Variants in UBR4 observed in about 807,000 individuals in gnomAD.
The protein encoded by UBR4 is ubiquitin protein ligase E3 component n-recognin 4.
In UBR4, 124 loss-of-function variants were observed where a neutral mutation model predicts 575.6. The observed-to-expected ratio is 0.22, with a 90% CI of 0.19 to 0.25. The LOEUF is 0.25. UBR4 is among the 10% of genes least tolerant of loss of function. UBR4 has a pLI of 1.00. For synonymous variants in UBR4, 2,455 were observed against 2,473.7 expected, an observed-to-expected ratio of 0.99 and a Z score of 0.22; for missense variants, 4,818 against 6,478.8, an observed-to-expected ratio of 0.74 and a Z score of 8.80.
At position 19,093,504 on chromosome 1, in the gene UBR4, A is replaced by T; in HGVS notation, c.13938-18T>A. 1 of 1,612,194 alleles carries T rather than the reference A, an allele frequency of 6.2e-7. No homozygotes were observed. The highest frequency in any genetic ancestry group is 8.5e-7 in the Non-Finnish European group (1 of 1,178,624). ...CATCATATCTAGGAGGAAAGAGCAG[A>T]GTTTGAGGGTGTGAAAGGCGGGACA... is the stretch of plus-strand genomic sequence containing the variant. On this transcript the variant is annotated intron_variant, in intron 95 of 105. Transcript: ENST00000375254. This position sits in a 1 kb window ranked among gnomAD's most constrained non-coding sequence, Gnocchi z 4.8.
At position 19,084,613 on chromosome 1, in the gene UBR4, G is replaced by A. The variant is rs2076831372; in HGVS notation, c.14899C>T (p.Arg4967Cys). The change falls in exon 102 of 106, where the codon CGC becomes TGC. Residue 4967 changes from arginine (R) to cysteine (C), a missense_variant. Arg to Cys is a radical substitution (Grantham distance 180, BLOSUM62 -3). Coordinates refer to ENST00000375254, the MANE Select transcript of UBR4 (RefSeq NM_020765.3). ...CTGAACGACTGCTCCATGGCGAAGC[G>A]CAGGAAGAGCAGTTTGATGTCATGG... is the stretch of plus-strand genomic sequence containing the variant. Reference protein sequence around the residue: ...NIHDIKLLFLRFAMEQSFSAD... With the variant: ...NIHDIKLLFLCFAMEQSFSAD... The A allele has an allele frequency of 2.5e-6, 4 of 1,614,024 alleles. No homozygotes were observed. Among genetic ancestry groups the A allele is most frequent in the Non-Finnish European group, 2.5e-6 (3 of 1,179,960 alleles).
intron 94 of UBR4, 116 bp downstream of exon 94, chr1:19,094,790 T>TAA (rs1330074402): frequency 2.6e-5 from 37 of 1,410,726 alleles, no homozygotes; most frequent in Admixed American, 1.1e-4. Context: ...TTCCAATGCT[T>TAA]AAGCAGGCTC....
In UBR4 at chr1:19,093,990, C is replaced by G; in HGVS notation, c.13896G>C (p.Gln4632His). Residue 4632 changes from glutamine to histidine, a missense_variant, in exon 95 of 106, where the codon CAG becomes CAC. This residue lies in a region of UBR4 where 165 missense variants were observed against 282.3 expected (regional missense o/e 0.58). Transcript: ENST00000375254. The surrounding 1 kb of genome is among the most constrained non-coding windows in gnomAD (Gnocchi z 4.8). ...ATGGTTTGAATCGCTCCACCAAGAT[C>G]TGCATTTTCTCCACCTCTCCAAAGG... The part of the protein sequence containing the change: ...YLSFGEVEKM[Q>H]ILVERFKPYC... 1 of 1,614,158 alleles carries G rather than the reference C, an allele frequency of 6.2e-7. No homozygotes were observed. The highest frequency in any genetic ancestry group is 8.5e-7 in the Non-Finnish European group (1 of 1,180,016).
Position 19,088,875 on chromosome 1 carries a change from G to A in UBR4, c.14314C>T (p.Arg4772Trp), listed in dbSNP as rs199685264. 1.5e-4 allele frequency: 248 copies of A among 1,614,156 alleles called. No individual in the cohort carries two copies. Among genetic ancestry groups the A allele is most frequent in the Non-Finnish European group, 5.7e-5 (67 of 1,180,038 alleles). Residue 4772 changes from arginine to tryptophan, a missense_variant, in exon 98 of 106, where the codon CGG becomes TGG. Around this residue, in one of 29 missense-constraint regions of UBR4, gnomAD observed 196 missense variants for 386.8 expected, o/e 0.51. Transcript: ENST00000375254. The surrounding 1 kb of genome is among the most constrained non-coding windows in gnomAD (Gnocchi z 4.0). ...TTCTTGTTTACGTCAGGGTGTTCCCGCAGGGCTTCCAGCAGGTTCTCTGCC... is the reference window on the plus strand; with the variant it reads ...TTCTTGTTTACGTCAGGGTGTTCCCACAGGGCTTCCAGCAGGTTCTCTGCC... ...TLAENLLEAL[R>W]EHPDVNKKID...
intron 7 of UBR4, among the ~76,000 whole-genome samples, 176 bp from the exon 8 acceptor site, chr1:19,197,441 C>A (rs1386119028): frequency 6.6e-6 from 1 of 152,116 alleles, no homozygotes; most frequent in Non-Finnish European, 1.5e-5. Context: ...CCAGCCTGGG[C>A]AACAAGGCAA....
rs759426407 is a variant in UBR4 at position 19,177,562 on chromosome 1, C to T, written c.2536G>A (p.Ala846Thr). ...ATAAGCGGCACGAAGCGCATCTGAG[C>T]ATCCATGTTGACGCTCAACTCCTGG... ...IIQELSVNMDAQMRFVPLILA... is the reference protein window; with the variant it reads ...IIQELSVNMDTQMRFVPLILA... The change falls in exon 19 of 106, where the codon GCT becomes ACT. Residue 846 changes from alanine to threonine, a missense_variant. By Grantham distance (58) the Ala-to-Thr change is moderately conservative (BLOSUM62 0). Around this residue, in one of 29 missense-constraint regions of UBR4, gnomAD observed 1,172 missense variants for 1,259.7 expected, o/e 0.93. Transcript: ENST00000375254. 2.5e-6 allele frequency: 4 copies of T among 1,613,788 alleles called. No individual in the cohort carries two copies. Among genetic ancestry groups the T allele is most frequent in the Non-Finnish European group, 3.4e-6 (4 of 1,179,938 alleles).
At chr1:19,132,196 T>G (rs1331267923) in intron 60 of UBR4, among the ~76,000 whole-genome samples, 1 of 152,152 alleles carries the variant, frequency 6.6e-6, no homozygotes, top group Non-Finnish European at 1.5e-5. Flanking sequence ...TTGTTTGTTT[T>G]TTTGAGACAG....
intron 41 of UBR4, 93 bp from the exon 42 acceptor site, chr1:19,156,516 A>G: frequency 6.8e-7 from 1 of 1,467,776 alleles, no homozygotes; most frequent in Non-Finnish European, 9.2e-7. Context: ...TTTTCCTCTA[A>G]TATCCCCTGC....
intron 97 of UBR4, among the ~76,000 whole-genome samples, chr1:19,092,470 A>T (rs78936664): frequency 0.011 from 1,631 of 151,544 alleles, 26 homozygotes; most frequent in East Asian, 0.066. Context: ...CCTAAGAACA[A>T]GGGGTTCAGC....
chr1:19,140,988 C>T, intron 57 of UBR4, 96 bp from the exon 58 acceptor site: 1 of 1,279,158 alleles, frequency 7.8e-7, no homozygotes, highest in Non-Finnish European at 1.1e-6. Context: ...CTCCAAACAC[C>T]AGCATGTGAC....
chr1:19,201,923 A>G, intron 1 of UBR4, 108 bp from the exon 2 acceptor site: 1 of 910,954 alleles, frequency 1.1e-6, no homozygotes, highest in Non-Finnish European at 1.7e-6. Context: ...GGTAGATAGT[A>G]TCATCAACCT....
At chr1:19,164,565 G>T in intron 32 of UBR4, 124 bp from the exon 33 acceptor site, 1 of 1,207,956 alleles carries the variant, frequency 8.3e-7, no homozygotes, top group Non-Finnish European at 1.2e-6. Flanking sequence ...CTTTGGACTT[G>T]GGCTAGTAGA....
intron 103 of UBR4, chr1:19,079,505 T>C (rs1429270632): frequency 6.6e-6 from 1 of 152,248 alleles, no homozygotes; most frequent in Non-Finnish European, 1.5e-5. Context: ...GGCTTTGTAC[T>C]TGCAAGTTCC....
chr1:19,081,682 C>T (rs955661243), intron 102 of UBR4, 109 bp from the exon 103 acceptor site: 2 of 1,230,608 alleles, frequency 1.6e-6, no homozygotes, highest in Non-Finnish European at 2.4e-6. Flanking sequence ...ATTTGCTGAA[C>T]GCTTGGATGA....
chr1:19,149,932 T>A, intron 49 of UBR4: 1 of 450,002 alleles, frequency 2.2e-6, no homozygotes. Context: ...GGGAGGAGGC[T>A]GGTGGTGGGA....
chr1:19,137,777 C>A (rs2083361872), intron 60 of UBR4, among the ~76,000 whole-genome samples: 1 of 152,118 alleles, frequency 6.6e-6, no homozygotes, highest in Non-Finnish European at 1.5e-5. Context: ...TTAGAGGAGC[C>A]TTAAGAGAAA....
chr1:19,142,759 T>C lies in UBR4; in HGVS notation c.8180-982A>G, dbSNP rs1261474352. Among the ~76,000 whole-genome samples the C allele has an allele frequency of 2.6e-5, 4 of 152,250 alleles. 1 individual carries two copies. The East Asian group carries it at 7.7e-4, about 29-fold the overall frequency. Reference sequence around the variant, plus strand: ...TATTGACAAGATGTAGATATAATATTTGATATACTGGATTAAATAATTAGT... The same window carrying C: ...TATTGACAAGATGTAGATATAATATCTGATATACTGGATTAAATAATTAGT... On this transcript the variant is annotated intron_variant, in intron 55 of 105. Coordinates refer to ENST00000375254, the MANE Select transcript of UBR4 (RefSeq NM_020765.3).
rs41273189 is a variant in UBR4, at chr1:19,078,226, G to A, written c.15234-160C>T. ...CTTGGAAAAAAGCAGCTGTGGGCAA[G>A]AACCTCTGGAGCCCTGGGACCCAGA... On this transcript the variant is annotated intron_variant, in intron 103 of 105. Coordinates refer to ENST00000375254, the MANE Select transcript of UBR4 (RefSeq NM_020765.3). The A allele has an allele frequency of 7.7e-6, 5 of 651,076 alleles. No homozygotes were observed. The East Asian group carries it at 1.4e-4, about 19-fold the overall frequency. 40.3% of individuals were successfully genotyped at this position (651,076 alleles called of 1,614,324 possible). A position where few individuals can be genotyped will look rare whatever the true frequency, so the allele number is the denominator to read the frequency against.
intron 48 of UBR4, 43 bp downstream of exon 48, chr1:19,151,600 G>A: frequency 1.2e-6 from 2 of 1,608,772 alleles, no homozygotes; most frequent in Non-Finnish European, 1.7e-6. Context: ...CAATTTCGCA[G>A]TCACAATGAG....
Sources: allele counts gnomAD v4.1 joint callset (sites outside exome capture counted in the v4.1 genomes callset), GRCh38; gene constraint gnomAD v4.1.1; regional missense constraint gnomAD v4.1.1; non-coding constraint Gnocchi (gnomAD v3.1); transcripts MANE v1.5; gene names NCBI Gene and HGNC (gene_info 2026-07-23, HGNC 2026-07-21).